Variants in UGP2 observed in about 807,000 individuals in gnomAD.
UGP2 encodes UTP--glucose-1-phosphate uridylyltransferase.
A neutral mutation model predicts 49.0 loss-of-function variants in UGP2; 40 were observed. The observed-to-expected ratio is 0.82, with a 90% CI of 0.63 to 1.06. The LOEUF (loss-of-function observed/expected upper bound fraction) is 1.06, where lower values mean the gene tolerates loss of function less well. UGP2 is among the 50% of genes least tolerant of loss of function. The probability of loss-of-function intolerance (pLI) is 0.00; values close to 1 mark genes in which losing one functional copy is unlikely to be tolerated. For synonymous variants in UGP2, 225 were observed against 213.0 expected (o/e 1.06, Z -0.49); for missense variants, 460 against 603.5 (o/e 0.76, Z 2.49).
At chr2:63,889,828 A>AT (rs398104371) in intron 8 of UGP2, 1 of 310,718 alleles carries the variant, frequency 3.2e-6, no homozygotes, top group African/African-American at 2.2e-5. Context: ...AAAAAAAAAA[A>AT]GAAAAAAAAC....
chr2:63,878,756 A>G lies in UGP2; in HGVS notation c.256-3710A>G, dbSNP rs150808839. The stretch of plus-strand genomic sequence containing the variant: ...TTAAAAAAATTTTTTTGTAGAGGCA[A>G]GGTCTCACCATATTGCCCAAGCTGT... On this transcript the variant is annotated intron_variant, in intron 3 of 9. Transcript: ENST00000337130. Among the ~76,000 whole-genome samples, 1,313 of 152,234 alleles carry G rather than the reference A, an allele frequency of 8.6e-3. 13 individuals carry two copies. In the Middle Eastern group the frequency reaches 0.092, roughly 11 times the overall value.
rs367550139 is a variant in UGP2 at position 63,842,223 on chromosome 2, T to A, written c.19+19T>A. On this transcript the variant is annotated intron_variant, in intron 1 of 9. Coordinates refer to ENST00000337130, the MANE Select transcript of UGP2 (RefSeq NM_006759.4). Reference sequence around the variant, plus strand: ...GTACAAGGTAAGAAATGCTGCTGCTTATATCCCGAGTTGCTTCAGGCAAAT... The same window carrying A: ...GTACAAGGTAAGAAATGCTGCTGCTAATATCCCGAGTTGCTTCAGGCAAAT... The A allele has an allele frequency of 2.5e-5, 41 of 1,609,676 alleles. No individual in the cohort carries two copies. The highest frequency in any genetic ancestry group is 3.4e-5 in the Non-Finnish European group (40 of 1,178,854).
At chr2:63,873,367 C>CT (rs1441943942) in intron 3 of UGP2, among the ~76,000 whole-genome samples, 1 of 152,140 alleles carries the variant, frequency 6.6e-6, no homozygotes, top group Non-Finnish European at 1.5e-5. Context: ...ATTTTTTACT[C>CT]TATTTGCACA....
chr2:63,891,086 G>C lies in UGP2; in HGVS notation c.1420-34G>C, dbSNP rs1575867798. On this transcript the variant is annotated intron_variant, in intron 9 of 9. Transcript: ENST00000337130. ...AAGATAATCAAATTGCATTTCAGTT[G>C]CAAGTACACTCTTTTGTTTTCCCTG... is the stretch of plus-strand genomic sequence containing the variant. 6.4e-6 allele frequency: 10 copies of C among 1,568,014 alleles called. No homozygotes were observed. The East Asian group carries it at 2.0e-4, about 32-fold the overall frequency.
chr2:63,874,713 G>A (rs1444630886), intron 3 of UGP2, among the ~76,000 whole-genome samples: 1 of 151,896 alleles, frequency 6.6e-6, no homozygotes, highest in Non-Finnish European at 1.5e-5. Context: ...GCATGGCTTG[G>A]TGCTGTCCTT....
intron 3 of UGP2, among the ~76,000 whole-genome samples, chr2:63,869,685 A>G (rs1470116378): frequency 6.6e-6 from 1 of 152,178 alleles, no homozygotes; most frequent in Non-Finnish European, 1.5e-5. Context: ...AGCAGATTAT[A>G]TTGAAGGATA....
chr2:63,842,064 A>G lies in UGP2; in HGVS notation c.-122A>G. 1 of 1,246,440 alleles carries G rather than the reference A, an allele frequency of 8.0e-7. No homozygotes were observed. Among genetic ancestry groups the G allele is most frequent in the Non-Finnish European group, 1.1e-6 (1 of 905,854 alleles). 77.2% of individuals were successfully genotyped at this position (1,246,440 alleles called of 1,614,324 possible). On this transcript the variant is annotated 5_prime_UTR_variant, in exon 1 of 10. Coordinates refer to ENST00000337130, the MANE Select transcript of UGP2 (RefSeq NM_006759.4). ...TGAATAAATACTCCCTTAAGTAGTT[A>G]AATATAGGAGGAGAAAGAATACATC...
Position 63,887,336 on chromosome 2 carries a change from A to G in UGP2, c.1072-66A>G, listed in dbSNP as rs993727770. ...TCACTTCCCAAATATTAACTAACCTACATGGAACTAAGTTGTAGGTGCCTA... is the reference window on the plus strand; with the variant it reads ...TCACTTCCCAAATATTAACTAACCTGCATGGAACTAAGTTGTAGGTGCCTA... On this transcript the variant is annotated intron_variant, in intron 7 of 9. Coordinates refer to ENST00000337130, the MANE Select transcript of UGP2 (RefSeq NM_006759.4). The G allele has an allele frequency of 1.9e-6, 3 of 1,583,722 alleles. No homozygotes were observed. In the African/African-American group the frequency reaches 4.1e-5, roughly 22 times the overall value.
intron 3 of UGP2, among the ~76,000 whole-genome samples, chr2:63,872,742 A>G (rs984785349): frequency 6.6e-6 from 1 of 151,958 alleles, no homozygotes; most frequent in African/African-American, 2.4e-5. Context: ...ATGTCCTTGG[A>G]ATTTCAGACA....
At chr2:63,890,442 C>T (rs1278959749) in intron 9 of UGP2, among the ~76,000 whole-genome samples, 1 of 152,168 alleles carries the variant, frequency 6.6e-6, no homozygotes, top group Non-Finnish European at 1.5e-5. Context: ...AATGTTATCA[C>T]TGTAAGAATA....
intron 5 of UGP2, 99 bp downstream of exon 5, chr2:63,884,192 A>G: frequency 7.2e-7 from 1 of 1,398,166 alleles, no homozygotes; most frequent in African/African-American, 1.5e-5. Flanking sequence ...ACAGGTACCA[A>G]ATATTGATGT....
At position 63,861,394 on chromosome 2, in the gene UGP2, A is replaced by G. The variant is rs147144965; in HGVS notation, c.255+3458A>G. On this transcript the variant is annotated intron_variant, in intron 3 of 9. Transcript: ENST00000337130. ...GAGCTGACGAGTTCTCTTGAGCGCT[A>G]ATTTAAAACCTGTTGAAGTCACATG... Among the ~76,000 whole-genome samples the G allele has an allele frequency of 3.4e-3, 518 of 152,066 alleles. 9 individuals are homozygous for G. The highest frequency in any genetic ancestry group is 5.5e-3 in the Admixed American group (84 of 15,274).
chr2:63,854,053 C>T (rs1313412419), intron 1 of UGP2, among the ~76,000 whole-genome samples: 1 of 152,052 alleles, frequency 6.6e-6, no homozygotes, highest in Non-Finnish European at 1.5e-5. Flanking sequence ...TAAAGAGAGC[C>T]AGGCCAGGAA....
At chr2:63,888,435 A>G (rs1671841776) in intron 8 of UGP2, 5 of 152,206 alleles carry the variant, frequency 3.3e-5, no homozygotes, top group Admixed American at 3.3e-4. Context: ...TTTAAAAACA[A>G]AACACTTCTA....
intron 3 of UGP2, among the ~76,000 whole-genome samples, chr2:63,870,273 A>G (rs534278412): frequency 6.6e-6 from 1 of 152,344 alleles, no homozygotes; most frequent in South Asian, 2.1e-4. Flanking sequence ...TAGCTGGGAA[A>G]ATAAAAATAT....
At chr2:63,857,736 C>T (rs1267700630) in intron 2 of UGP2, 93 bp from the exon 3 acceptor site, 17 of 1,255,874 alleles carry the variant, frequency 1.4e-5, no homozygotes, top group South Asian at 1.2e-4. Flanking sequence ...TTTCATTTAA[C>T]GATATTTTAA....
intron 3 of UGP2, among the ~76,000 whole-genome samples, chr2:63,871,559 T>A (rs7557394): frequency 0.094 from 14,318 of 152,338 alleles, 1,099 homozygotes; most frequent in African/African-American, 0.21. Flanking sequence ...GTGCTGGGAT[T>A]ACAGGCGTGA....
chr2:63,871,655 T>G (rs978980481), intron 3 of UGP2, among the ~76,000 whole-genome samples: 6 of 152,226 alleles, frequency 3.9e-5, no homozygotes, highest in African/African-American at 1.2e-4. Context: ...TGTTACCAAT[T>G]ACATATTACT....
intron 9 of UGP2, among the ~76,000 whole-genome samples, chr2:63,890,675 T>C (rs1257430380): frequency 1.3e-5 from 2 of 152,182 alleles, no homozygotes; most frequent in Non-Finnish European, 2.9e-5. Flanking sequence ...CAAATACATA[T>C]ATTGAATTTT....
Sources: gnomAD v4.1 joint callset for allele counts (sites outside exome capture counted in the v4.1 genomes callset) on GRCh38, gnomAD v4.1.1 for gene constraint, MANE v1.5 for transcripts, NCBI Gene and HGNC (gene_info 2026-07-23, HGNC 2026-07-21) for gene names.